Variants in GPHN observed in about 807,000 individuals in gnomAD.
GPHN encodes the protein gephyrin.
GPHN carries 17 observed loss-of-function variants against 95.5 expected under a neutral mutation model. The ratio of observed to expected loss-of-function variants is 0.18; its 90% CI spans 0.12 to 0.27. The LOEUF is 0.27. GPHN is among the 10% of genes least tolerant of loss of function. GPHN has a pLI of 1.00. For synonymous variants in GPHN, 320 were observed against 322.5 expected, an observed-to-expected ratio of 0.99 and a Z score of 0.08; for missense variants, 660 against 978.1, an observed-to-expected ratio of 0.67 and a Z score of 4.34.
At chr14:66,711,803 G>A (rs1404345318) in intron 2 of GPHN, among the ~76,000 whole-genome samples, 4 of 150,388 alleles carry the variant, frequency 2.7e-5, no homozygotes, top group South Asian at 4.2e-4. Context: ...GTGTGTTCTC[G>A]TTGTTCAATT....
At chr14:67,147,091 AT>A (rs1156592395) in intron 18 of GPHN, among the ~76,000 whole-genome samples, 1 of 152,094 alleles carries the variant, frequency 6.6e-6, no homozygotes, top group Non-Finnish European at 1.5e-5. Context: ...ACATAAAAAA[AT>A]TTTCTTTAAT....
At chr14:67,637,410 CAAAAAAAAA>C in the GPHN span, among the ~76,000 whole-genome samples, 7 of 103,612 alleles carry the variant, frequency 6.8e-5, no homozygotes, top group Admixed American at 2.1e-4. Context: ...GACTCTGTCT[CAAAAAAAAA>C]AAAAAAAAAA....
At chr14:66,590,991 G>T (rs927284368) in intron 1 of GPHN, among the ~76,000 whole-genome samples, 3 of 152,140 alleles carry the variant, frequency 2.0e-5, no homozygotes, top group Non-Finnish European at 4.4e-5. Context: ...GGGATGCAAG[G>T]CTGGTTTAAC....
rs1300133898 is a variant in GPHN at position 66,599,564 on chromosome 14, G to A, written c.65-81543G>A. Among the ~76,000 whole-genome samples the A allele has an allele frequency of 5.9e-5, 9 of 151,572 alleles. No homozygotes were observed. The East Asian group carries it at 1.7e-3, about 29-fold the overall frequency. ...TTTACATATTGCTTATAATTCTCTT[G>A]TGAATTATTTTAGGGTTTTTATTGG... is the stretch of plus-strand genomic sequence containing the variant. On this transcript the variant is annotated intron_variant, in intron 1 of 22. Transcript: ENST00000478722.
intron 1 of GPHN, among the ~76,000 whole-genome samples, chr14:66,539,405 C>CTTTCTT (rs2059265388): frequency 8.6e-6 from 1 of 116,132 alleles, no homozygotes; most frequent in African/African-American, 4.4e-5. Flanking sequence ...CTGCTTTCTA[C>CTTTCTT]TTTCTTTTTT....
At chr14:67,498,485 A>T in the GPHN span, among the ~76,000 whole-genome samples, 4 of 152,206 alleles carry the variant, frequency 2.6e-5, no homozygotes, top group Admixed American at 6.5e-5. Flanking sequence ...TTGAGGCATT[A>T]TACTGACTCT....
the GPHN span, among the ~76,000 whole-genome samples, chr14:67,567,247 G>A: frequency 6.6e-6 from 1 of 152,146 alleles, no homozygotes; most frequent in African/African-American, 2.4e-5. Context: ...GGAGGGCGGT[G>A]GGGGAATGAA....
the GPHN span, among the ~76,000 whole-genome samples, chr14:67,298,682 T>C: frequency 2.6e-5 from 4 of 152,234 alleles, no homozygotes; most frequent in African/African-American, 9.6e-5. Context: ...ATAATTTACA[T>C]GCACTTAAAA....
chr14:66,541,071 CTGAG>C (rs2059337698), intron 1 of GPHN, among the ~76,000 whole-genome samples: 1 of 152,182 alleles, frequency 6.6e-6, no homozygotes, highest in African/African-American at 2.4e-5. Context: ...CCTCAGCCTC[CTGAG>C]TAGCTGGAAT....
chr14:67,311,630 G>T, the GPHN span, among the ~76,000 whole-genome samples: 347 of 152,232 alleles, frequency 2.3e-3, no homozygotes, highest in Non-Finnish European at 4.1e-3. Context: ...AGAATAGTCT[G>T]TCATATCTTA....
At chr14:67,551,471 T>TA in the GPHN span, among the ~76,000 whole-genome samples, 1 of 152,118 alleles carries the variant, frequency 6.6e-6, no homozygotes, top group Non-Finnish European at 1.5e-5. Context: ...TATATATATA[T>TA]TTTTTACTGA....
the GPHN span, chr14:67,576,081 G>A: frequency 8.2e-7 from 1 of 1,215,106 alleles, no homozygotes; most frequent in South Asian, 1.5e-5. This position sits in a 1 kb window ranked among gnomAD's most constrained non-coding sequence, Gnocchi z 4.0. Flanking sequence ...TTTCTCCTGA[G>A]CTTCCCAAAA....
the GPHN span, among the ~76,000 whole-genome samples, chr14:67,301,137 A>G: frequency 6.6e-6 from 1 of 152,104 alleles, no homozygotes; most frequent in African/African-American, 2.4e-5. Flanking sequence ...TGTTGGGTGA[A>G]ACGTTCAAGA....
intron 9 of GPHN, among the ~76,000 whole-genome samples, chr14:66,983,675 T>C (rs1284365554): frequency 1.3e-5 from 2 of 152,196 alleles, no homozygotes; most frequent in Non-Finnish European, 2.9e-5. Flanking sequence ...TATAAATCAG[T>C]CTTATAATCT....
At chr14:66,785,004 A>G (rs1471025759) in intron 3 of GPHN, among the ~76,000 whole-genome samples, 1 of 152,218 alleles carries the variant, frequency 6.6e-6, no homozygotes, top group Non-Finnish European at 1.5e-5. Context: ...TGATGACATA[A>G]GTAGGTAGTA....
At chr14:67,664,685 G>C in the GPHN span, among the ~76,000 whole-genome samples, 1 of 151,986 alleles carries the variant, frequency 6.6e-6, no homozygotes, top group Non-Finnish European at 1.5e-5. Flanking sequence ...TTTTAATAAA[G>C]ACAGGGTTTT....
the GPHN span, among the ~76,000 whole-genome samples, chr14:67,522,520 C>T: frequency 3.5e-3 from 537 of 152,282 alleles, 3 homozygotes; most frequent in Admixed American, 5.6e-3. Context: ...TGGGGGGACA[C>T]TGTGTGCCTG....
chr14:66,702,327 G>C (rs997711492), intron 2 of GPHN, among the ~76,000 whole-genome samples: 5 of 152,160 alleles, frequency 3.3e-5, no homozygotes, highest in South Asian at 2.1e-4. Flanking sequence ...CCTGTTCCCT[G>C]TGCCACCCAA....
chr14:67,685,062 G>A, the GPHN span: 81 of 1,614,022 alleles, frequency 5.0e-5, 2 homozygotes, highest in South Asian at 8.3e-4. Flanking sequence ...TTAAGGCACA[G>A]TGCAGGCTGG....
Sources: allele counts gnomAD v4.1 joint callset (sites outside exome capture counted in the v4.1 genomes callset), GRCh38; gene constraint gnomAD v4.1.1; non-coding constraint Gnocchi (gnomAD v3.1); transcripts MANE v1.5; gene names NCBI Gene and HGNC (gene_info 2026-07-23, HGNC 2026-07-21).